CALN1: variants seen among roughly 807,000 people sequenced by gnomAD.
The protein encoded by CALN1 is calcium-binding protein 8.
A neutral mutation model predicts 30.6 loss-of-function variants in CALN1; 17 were observed. That is an observed-to-expected ratio of 0.56 (90% CI 0.38 to 0.83). The LOEUF (loss-of-function observed/expected upper bound fraction) is 0.83, where lower values mean the gene tolerates loss of function less well. CALN1 is among the 40% of genes least tolerant of loss of function. The probability of loss-of-function intolerance (pLI) is 0.00; values close to 1 mark genes in which losing one functional copy is unlikely to be tolerated. For missense variants in CALN1, 291 were observed against 354.9 expected (o/e 0.82, Z 1.45); for synonymous variants, 156 against 131.4 (o/e 1.19, Z -1.28).
intron 3 of CALN1, among the ~76,000 whole-genome samples, chr7:72,257,898 A>G (rs1796017967): frequency 1.3e-5 from 2 of 152,198 alleles, no homozygotes; most frequent in Admixed American, 1.3e-4. Flanking sequence ...CTCACTTCTA[A>G]GTGGGAGCTA....
chr7:72,303,573 A>T (rs1488098179), intron 2 of CALN1, among the ~76,000 whole-genome samples: 2 of 98,172 alleles, frequency 2.0e-5, no homozygotes, highest in Non-Finnish European at 3.8e-5. Context: ...AAAGAAAAAG[A>T]AAAAAAAAAA....
At chr7:71,890,651 C>T (rs1249767669) in intron 5 of CALN1, among the ~76,000 whole-genome samples, 1 of 151,886 alleles carries the variant, frequency 6.6e-6, no homozygotes, top group Non-Finnish European at 1.5e-5. Context: ...TATCTCTTTC[C>T]AATATCTTTC....
At chr7:71,971,969 G>GA (rs1465524544) in intron 5 of CALN1, among the ~76,000 whole-genome samples, 1 of 95,362 alleles carries the variant, frequency 1.0e-5, no homozygotes, top group African/African-American at 3.9e-5. Flanking sequence ...AAGAAAGAAA[G>GA]AAAGAAAGAA....
At chr7:72,437,403 C>A (rs115816584) in intron 1 of CALN1, among the ~76,000 whole-genome samples, 152 of 152,126 alleles carry the variant, frequency 1.0e-3, no homozygotes, top group African/African-American at 3.1e-3. Flanking sequence ...TAGAGAGAAG[C>A]CTGAGTGGGT....
chr7:72,185,515 AG>A (rs1042202186), intron 3 of CALN1, among the ~76,000 whole-genome samples: 1 of 152,160 alleles, frequency 6.6e-6, no homozygotes, highest in Non-Finnish European at 1.5e-5. Flanking sequence ...GGCCCTCCAA[AG>A]ATGTCCATGT....
At chr7:72,128,346 C>A (rs896988619) in intron 3 of CALN1, among the ~76,000 whole-genome samples, 1 of 151,790 alleles carries the variant, frequency 6.6e-6, no homozygotes, top group Non-Finnish European at 1.5e-5. Context: ...AAGATGAATC[C>A]AAAAAATAAC....
At chr7:71,859,051 C>G (rs1490041757) in intron 5 of CALN1, among the ~76,000 whole-genome samples, 3 of 151,916 alleles carry the variant, frequency 2.0e-5, no homozygotes, top group Non-Finnish European at 2.9e-5. Flanking sequence ...TGTCTTTTTT[C>G]TTTTTTTGTA....
intron 5 of CALN1, among the ~76,000 whole-genome samples, chr7:71,956,820 C>T (rs193133753): frequency 9.0e-4 from 137 of 152,238 alleles, no homozygotes; most frequent in Non-Finnish European, 1.7e-3. Context: ...TCTCAGCCTC[C>T]TGAGAATCTG....
At position 72,063,005 on chromosome 7, in the gene CALN1, G is replaced by C. The variant is rs543783430; in HGVS notation, c.389-39236C>G. Among the ~76,000 whole-genome samples, 11 of 152,138 alleles carry C rather than the reference G, an allele frequency of 7.2e-5. No homozygotes were observed. The East Asian group carries it at 1.2e-3, about 16-fold the overall frequency. On this transcript the variant is annotated intron_variant, in intron 4 of 6. Coordinates refer to ENST00000395275, the MANE Select transcript of CALN1 (RefSeq NM_031468.4). ...TATTTGATAAGGTTAACATTGTCCT[G>C]ATACCAAAACCAAAGACATTACAAG...
Position 72,097,075 on chromosome 7 carries a change from C to T in CALN1, c.388+9076G>A, listed in dbSNP as rs1211514690. On this transcript the variant is annotated intron_variant, in intron 4 of 6. Transcript: ENST00000395275. ...ATCACAACGACAGAAAATCAAACACCGTATGTTCTCACTCATAGGTGGGAA... is the reference window on the plus strand; with the variant it reads ...ATCACAACGACAGAAAATCAAACACTGTATGTTCTCACTCATAGGTGGGAA... Among the ~76,000 whole-genome samples the T allele has an allele frequency of 3.3e-5, 5 of 152,098 alleles. No individual in the cohort carries two copies. In the South Asian group the frequency reaches 1.0e-3, roughly 32 times the overall value.
chr7:72,360,382 G>A (rs1252638867), intron 2 of CALN1, among the ~76,000 whole-genome samples: 2 of 151,890 alleles, frequency 1.3e-5, no homozygotes, highest in Admixed American at 6.6e-5. Context: ...CAGGATATAC[G>A]GCTGTTTTTG....
chr7:72,090,888 G>A (rs1229067090), intron 4 of CALN1, among the ~76,000 whole-genome samples: 3 of 152,176 alleles, frequency 2.0e-5, no homozygotes, highest in Non-Finnish European at 2.9e-5. Flanking sequence ...TGAACTCGTG[G>A]AGAAAGAGAG....
At chr7:72,223,205 T>A (rs11972942) in intron 3 of CALN1, among the ~76,000 whole-genome samples, 1 of 151,788 alleles carries the variant, frequency 6.6e-6, no homozygotes, top group African/African-American at 2.4e-5. Flanking sequence ...GAAGAGGGGT[T>A]CCCATTCTTC....
Position 72,195,075 on chromosome 7 carries a change from C to T in CALN1, c.244+83611G>A, listed in dbSNP as rs1343250903. 2.0e-5 allele frequency among the ~76,000 whole-genome samples: 3 copies of T among 152,202 alleles called. No homozygotes were observed. The East Asian group carries it at 5.8e-4, about 29-fold the overall frequency. On this transcript the variant is annotated intron_variant, in intron 3 of 6. Transcript: ENST00000395275. ...ATCCTCAACATGAGCAAGTTCAAGTCACTTTACAGTTCGTCATGTGAAGCA... is the reference window on the plus strand; with the variant it reads ...ATCCTCAACATGAGCAAGTTCAAGTTACTTTACAGTTCGTCATGTGAAGCA...
At chr7:72,055,823 G>A (rs1803219900) in intron 4 of CALN1, among the ~76,000 whole-genome samples, 1 of 151,958 alleles carries the variant, frequency 6.6e-6, no homozygotes, top group South Asian at 2.1e-4. Context: ...ACCAGCCTAG[G>A]CAACATAGCA....
chr7:72,104,382 GTTCTT>G (rs1479288235), intron 4 of CALN1, among the ~76,000 whole-genome samples: 2 of 152,124 alleles, frequency 1.3e-5, no homozygotes, highest in African/African-American at 4.8e-5. Flanking sequence ...TGATGAAGGT[GTTCTT>G]TTATTTTCCT....
chr7:71,958,579 A>G (rs909412540), intron 5 of CALN1, among the ~76,000 whole-genome samples: 2 of 152,178 alleles, frequency 1.3e-5, no homozygotes, highest in Non-Finnish European at 2.9e-5. Context: ...CCTCAAAAGG[A>G]CTTGCCTCTC....
rs566563696 is a variant in CALN1, at chr7:72,119,741, T to C, written c.245-13447A>G. Among the ~76,000 whole-genome samples the C allele has an allele frequency of 3.3e-4, 50 of 151,858 alleles. No homozygotes were observed. The South Asian group carries it at 8.1e-3, about 25-fold the overall frequency. On this transcript the variant is annotated intron_variant, in intron 3 of 6. Transcript: ENST00000395275. The stretch of plus-strand genomic sequence containing the variant: ...GAGAACTTGTGTAGGGAAACTCCCC[T>C]TTATAAAGCCATCAAATCTTGTGAG...
At chr7:72,247,737 T>C (rs1795287171) in intron 3 of CALN1, among the ~76,000 whole-genome samples, 1 of 152,056 alleles carries the variant, frequency 6.6e-6, no homozygotes, top group South Asian at 2.1e-4. Flanking sequence ...ATGCCTGCAA[T>C]CCCAACACTT....
Sources: gnomAD v4.1 joint callset for allele counts (sites outside exome capture counted in the v4.1 genomes callset) on GRCh38, gnomAD v4.1.1 for gene constraint, MANE v1.5 for transcripts, NCBI Gene and HGNC (gene_info 2026-07-23, HGNC 2026-07-21) for gene names.